The following CSRNP3 variants were observed in gnomAD, a reference collection of about 807,000 sequenced individuals.
CSRNP3 encodes the protein cysteine and serine rich nuclear protein 3, also known as cysteine/serine-rich nuclear protein 3.
CSRNP3 carries 12 observed loss-of-function variants against 48.0 expected under a neutral mutation model. The observed-to-expected ratio is 0.25, with a 90% CI of 0.16 to 0.41. The LOEUF is 0.41. Ranked by LOEUF, CSRNP3 falls within the 10% of genes least tolerant of loss-of-function variation. The probability of loss-of-function intolerance (pLI) is 1.00; values close to 1 mark genes in which losing one functional copy is unlikely to be tolerated. For synonymous variants in CSRNP3, 263 were observed against 269.7 expected, an observed-to-expected ratio of 0.98 and a Z score of 0.24; for missense variants, 580 against 724.4, an observed-to-expected ratio of 0.80 and a Z score of 2.29.
chr2:165,603,358 C>G (rs1281161456), intron 4 of CSRNP3, among the ~76,000 whole-genome samples: 2 of 152,156 alleles, frequency 1.3e-5, no homozygotes, highest in Admixed American at 1.3e-4. Context: ...ACCTGGATTC[C>G]TTACTTCAAT....
chr2:165,541,768 T>C (rs2105252907), intron 3 of CSRNP3, among the ~76,000 whole-genome samples: 1 of 152,216 alleles, frequency 6.6e-6, no homozygotes, highest in South Asian at 2.1e-4. Context: ...TTTCTATCTC[T>C]CCTGTCATAC....
At chr2:165,493,711 A>C (rs1449833142) in intron 1 of CSRNP3, among the ~76,000 whole-genome samples, 4 of 152,076 alleles carry the variant, frequency 2.6e-5, no homozygotes, top group Non-Finnish European at 5.9e-5. Context: ...CTGGCTCTCC[A>C]CAGGTCACAC....
intron 3 of CSRNP3, among the ~76,000 whole-genome samples, chr2:165,536,907 A>T (rs1158246696): frequency 6.6e-6 from 1 of 151,908 alleles, no homozygotes; most frequent in Non-Finnish European, 1.5e-5. Context: ...ATATATTAAG[A>T]TCTGCCATAA....
chr2:165,625,657 C>A (rs532954287), intron 4 of CSRNP3, among the ~76,000 whole-genome samples: 2 of 149,472 alleles, frequency 1.3e-5, no homozygotes, highest in African/African-American at 2.5e-5. Flanking sequence ...AAAAAAGAAA[C>A]GAAAAATATG....
At chr2:165,474,218 T>C (rs1366078566) in intron 1 of CSRNP3, among the ~76,000 whole-genome samples, 4 of 152,034 alleles carry the variant, frequency 2.6e-5, no homozygotes, top group Non-Finnish European at 2.9e-5. Context: ...TTTATCATAT[T>C]GTTTTATTTT....
intron 2 of CSRNP3, among the ~76,000 whole-genome samples, chr2:165,503,358 C>G (rs1236295432): frequency 2.0e-5 from 3 of 151,784 alleles, no homozygotes; most frequent in Admixed American, 2.0e-4. Context: ...TGTTCCTATG[C>G]TAAATTATCA....
chr2:165,482,265 CT>C (rs5836042), intron 1 of CSRNP3, among the ~76,000 whole-genome samples: 61 of 143,280 alleles, frequency 4.3e-4, no homozygotes, highest in South Asian at 1.3e-3. Flanking sequence ...AAGAGATGTG[CT>C]TTTTTTTTTT....
intron 3 of CSRNP3, among the ~76,000 whole-genome samples, chr2:165,535,585 G>A (rs984534819): frequency 2.0e-5 from 3 of 151,820 alleles, no homozygotes; most frequent in African/African-American, 4.8e-5. Flanking sequence ...TACTTGCAGG[G>A]AAAGGAATTT....
intron 5 of CSRNP3, among the ~76,000 whole-genome samples, chr2:165,664,240 A>G (rs1687142495): frequency 6.6e-6 from 1 of 152,216 alleles, no homozygotes; most frequent in Non-Finnish European, 1.5e-5. Flanking sequence ...AGTTTTCCAG[A>G]GACCTTACAG....
At chr2:165,536,409 A>G (rs1329317550) in intron 3 of CSRNP3, among the ~76,000 whole-genome samples, 8 of 151,930 alleles carry the variant, frequency 5.3e-5, no homozygotes, top group Admixed American at 5.3e-4. Flanking sequence ...CAATGTTTCC[A>G]TAAATTTCAG....
At chr2:165,670,558 T>C (rs1303853708) in intron 5 of CSRNP3, among the ~76,000 whole-genome samples, 1 of 152,214 alleles carries the variant, frequency 6.6e-6, no homozygotes, top group African/African-American at 2.4e-5. Flanking sequence ...CTTGCAATCT[T>C]GGGCAAATTA....
chr2:165,520,810 T>G (rs1450043088), intron 3 of CSRNP3, among the ~76,000 whole-genome samples: 1 of 71,040 alleles, frequency 1.4e-5, no homozygotes, highest in Non-Finnish European at 2.9e-5. Context: ...TATATATATA[T>G]ATATATATAT....
chr2:165,642,618 A>G (rs1686742381), intron 4 of CSRNP3, among the ~76,000 whole-genome samples: 1 of 149,636 alleles, frequency 6.7e-6, no homozygotes, highest in African/African-American at 2.5e-5. Flanking sequence ...GCTGGAGTGC[A>G]ATGGTGTGAT....
At chr2:165,595,375 A>G (rs1478687779) in intron 4 of CSRNP3, among the ~76,000 whole-genome samples, 162 bp downstream of exon 4, 1 of 152,228 alleles carries the variant, frequency 6.6e-6, no homozygotes, top group Non-Finnish European at 1.5e-5. Context: ...GTGACTCAGT[A>G]GATTCCTTTA....
At chr2:165,548,134 C>T (rs1574832377) in intron 3 of CSRNP3, among the ~76,000 whole-genome samples, 3 of 152,098 alleles carry the variant, frequency 2.0e-5, no homozygotes, top group Non-Finnish European at 4.4e-5. Context: ...TCTTCAAAAA[C>T]TGTCTGCCCT....
chr2:165,679,258 C>G lies in CSRNP3; in HGVS notation c.1263C>G (p.Ser421Arg). 6.2e-7 allele frequency: 1 copy of G among 1,613,926 alleles called. No homozygotes were observed. Among genetic ancestry groups the G allele is most frequent in the Non-Finnish European group, 8.5e-7 (1 of 1,179,962 alleles). ...CTGATGGCACCGCCGTTCACGAAAG[C>G]CATGCAAAGAATGCTTCTTTTTATG... ...CYSDGTAVHE[S>R]HAKNASFYAN... The change falls in exon 7 of 7, where the codon AGC becomes AGG. Residue 421 changes from serine to arginine, a missense_variant. Ser to Arg is a moderately radical substitution (Grantham distance 110, BLOSUM62 -1). Transcript: ENST00000651982.
At chr2:165,485,074 C>T (rs1206907898) in intron 1 of CSRNP3, among the ~76,000 whole-genome samples, 1 of 152,148 alleles carries the variant, frequency 6.6e-6, no homozygotes, top group Non-Finnish European at 1.5e-5. Context: ...TTATAAACAA[C>T]AGAAATTTAT....
chr2:165,577,817 C>T (rs1685477156), intron 3 of CSRNP3, among the ~76,000 whole-genome samples: 1 of 151,782 alleles, frequency 6.6e-6, no homozygotes, highest in South Asian at 2.1e-4. Context: ...ACATTCAATT[C>T]TAAATCACTT....
intron 4 of CSRNP3, among the ~76,000 whole-genome samples, chr2:165,636,072 C>A (rs10207753): frequency 0.45 from 68,678 of 152,044 alleles, 17,735 homozygotes; most frequent in South Asian, 0.68. Flanking sequence ...TTGCTATAAC[C>A]CAGTTTCTTA....
Sources: allele counts gnomAD v4.1 joint callset (sites outside exome capture counted in the v4.1 genomes callset), GRCh38; gene constraint gnomAD v4.1.1; transcripts MANE v1.5; gene names NCBI Gene and HGNC (gene_info 2026-07-23, HGNC 2026-07-21).